The following TAAR2 variants were observed in gnomAD, a reference collection of about 807,000 sequenced individuals.
TAAR2 encodes trace amine-associated receptor 2.
A neutral mutation model predicts 25.5 loss-of-function variants in TAAR2; 30 were observed. That is an observed-to-expected ratio of 1.18 (90% confidence interval 0.88 to 1.60). The LOEUF is 1.60. Ranked by LOEUF, TAAR2 falls within the 40% of genes most tolerant of loss-of-function variation. TAAR2 has a pLI of 0.00. For missense variants in TAAR2, 481 were observed against 416.5 expected (o/e 1.15, Z -1.35); for synonymous variants, 150 against 142.4 (o/e 1.05, Z -0.38).
chr6:132,617,409 A>G lies in TAAR2; in HGVS notation c.797T>C (p.Ile266Thr). The change falls in exon 2 of 2, where the codon ATA becomes ACA. Residue 266 changes from isoleucine to threonine, a missense_variant. Coordinates refer to ENST00000367931, the MANE Select transcript of TAAR2 (RefSeq NM_001033080.1). ...ACATAATAAGAAAACTCCTATCACT[A>G]TTCCTAAAGTTTTGGCAGCTTTTTT... ...KDKKAAKTLG[I>T]VIGVFLLCWF... The G allele has an allele frequency of 6.2e-7, 1 of 1,613,780 alleles. No homozygotes were observed. The highest frequency in any genetic ancestry group is 8.5e-7 in the Non-Finnish European group (1 of 1,179,922).
At chr6:132,618,217 A>G (rs189488869) in intron 1 of TAAR2, 72 bp from the exon 2 acceptor site, 6 of 1,383,610 alleles carry the variant, frequency 4.3e-6, no homozygotes, top group Non-Finnish European at 9.7e-7. Flanking sequence ...GCTTTCATAG[A>G]AAAACTCAAG....
At chr6:132,620,280 C>T (rs955522340) in intron 1 of TAAR2, among the ~76,000 whole-genome samples, 1 of 152,146 alleles carries the variant, frequency 6.6e-6, no homozygotes, top group East Asian at 1.9e-4. Context: ...TATGATGGGA[C>T]GTATTTGAGC....
chr6:132,618,588 C>A lies in TAAR2; in HGVS notation c.61-443G>T, dbSNP rs1006595487. On this transcript the variant is annotated intron_variant, in intron 1 of 1. Transcript: ENST00000367931. The stretch of plus-strand genomic sequence containing the variant: ...CCAGGAGGTGGAGGTTGCAGTGAGC[C>A]GAGATTGTGCCACTGAACTCCAACT... 3.3e-5 allele frequency among the ~76,000 whole-genome samples: 5 copies of A among 151,676 alleles called. No individual in the cohort carries two copies. The South Asian group carries it at 1.0e-3, about 32-fold the overall frequency.
At position 132,624,258 on chromosome 6, in the gene TAAR2, C is replaced by T; in HGVS notation, c.18G>A (p.Glu6=). 6.2e-7 allele frequency: 1 copy of T among 1,613,458 alleles called. No homozygotes were observed. Among genetic ancestry groups the T allele is most frequent in the Non-Finnish European group, 8.5e-7 (1 of 1,179,662 alleles). MAVSS[E]QHELSHFKRT... is the part of the protein sequence containing the mutation. Reference sequence around the variant, plus strand: ...TTTTGAAATGTGAAAGTTCATGTTGCTCTGATGAGACAGCCATGGGAGGCA... The same window carrying T: ...TTTTGAAATGTGAAAGTTCATGTTGTTCTGATGAGACAGCCATGGGAGGCA... Residue 6 remains glutamate (E), a synonymous_variant, in exon 1 of 2, where the codon GAG becomes GAA. Coordinates refer to ENST00000367931, the MANE Select transcript of TAAR2 (RefSeq NM_001033080.1).
rs550125345 is a variant in TAAR2, at chr6:132,617,895, G to A, written c.311C>T (p.Ser104Leu). 34 of 1,613,892 alleles carry A rather than the reference G, an allele frequency of 2.1e-5. No homozygotes were observed. Among genetic ancestry groups the A allele is most frequent in the Middle Eastern group, 1.6e-4 (1 of 6,084 alleles). ...CCCAAAATACCAGCAGTTCTCCACCGATCTGATCATACTATATGGCATGAT... is the reference window on the plus strand; with the variant it reads ...CCCAAAATACCAGCAGTTCTCCACCAATCTGATCATACTATATGGCATGAT... ...FTIMPYSMIR[S>L]VENCWYFGLT... Residue 104 changes from serine to leucine, a missense_variant, in exon 2 of 2, where the codon TCG becomes TTG. Transcript: ENST00000367931.
At chr6:132,618,256 T>C (rs558601217) in intron 1 of TAAR2, 111 bp from the exon 2 acceptor site, 6 of 1,009,358 alleles carry the variant, frequency 5.9e-6, no homozygotes, top group Admixed American at 3.0e-5. Context: ...AGGAAGATAA[T>C]TTATGCTGTA....
intron 1 of TAAR2, among the ~76,000 whole-genome samples, chr6:132,619,872 C>T (rs186063042): frequency 6.6e-6 from 1 of 152,244 alleles, no homozygotes; most frequent in East Asian, 1.9e-4. Flanking sequence ...AAAGCCTGTT[C>T]TACACAGAAG....
intron 1 of TAAR2, among the ~76,000 whole-genome samples, chr6:132,621,294 C>G (rs150796600): frequency 2.0e-5 from 3 of 151,820 alleles, no homozygotes; most frequent in Non-Finnish European, 2.9e-5. Context: ...ATGTACAGAA[C>G]GTGCAGGTTT....
rs1183865553 is a variant in TAAR2 at position 132,617,483 on chromosome 6, A to G, written c.723T>C (p.His241=). Residue 241 remains histidine, a synonymous_variant, in exon 2 of 2, where the codon CAT becomes CAC. Coordinates refer to ENST00000367931, the MANE Select transcript of TAAR2 (RefSeq NM_001033080.1). ...GATTTTCTCGCAAGTTATTGATGGC[A>G]TGAGCATGTTTTCTGGATACTGCAA... ...KIFAVSRKHA[H]AINNLRENQN... 3.1e-6 allele frequency: 5 copies of G among 1,614,028 alleles called. No homozygotes were observed.
chr6:132,621,156 TA>T (rs66712280), intron 1 of TAAR2, among the ~76,000 whole-genome samples: 31,562 of 140,956 alleles, frequency 0.22, 7,233 homozygotes, highest in African/African-American at 0.59. Context: ...AAAGTAAAGC[TA>T]AAAAAAAAAA....
At chr6:132,621,374 C>T (rs111536343) in intron 1 of TAAR2, among the ~76,000 whole-genome samples, 83 of 152,068 alleles carry the variant, frequency 5.5e-4, no homozygotes, top group African/African-American at 1.8e-3. Context: ...TTTTAAGACC[C>T]GCATGCGTTA....
intron 1 of TAAR2, among the ~76,000 whole-genome samples, chr6:132,622,128 G>C (rs77274542): frequency 3.9e-5 from 6 of 151,924 alleles, no homozygotes; most frequent in Non-Finnish European, 7.4e-5. Context: ...TTACTGTTAC[G>C]TTTCTAAAAG....
intron 1 of TAAR2, among the ~76,000 whole-genome samples, chr6:132,621,902 C>A (rs1030757590): frequency 6.6e-6 from 1 of 152,102 alleles, no homozygotes; most frequent in Non-Finnish European, 1.5e-5. Flanking sequence ...TGACATAGTT[C>A]TTTCATGTGA....
In TAAR2 at chr6:132,617,318, C is replaced by T. The variant is rs1457643179; in HGVS notation, c.888G>A (p.Leu296=). The T allele has an allele frequency of 5.0e-6, 8 of 1,613,476 alleles. No individual in the cohort carries two copies. The highest frequency in any genetic ancestry group is 1.3e-5 in the African/African-American group (1 of 74,876). Residue 296 remains leucine, a synonymous_variant, in exon 2 of 2, where the codon TTG becomes TTA. Transcript: ENST00000367931. ...AGCCAAACCATGTCAAGGCATCAAA[C>T]AAAACTACAGGAGTAGAGAAGTTCA... is the stretch of plus-strand genomic sequence containing the variant. ...PFLNFSTPVV[L]FDALTWFGYF...
intron 1 of TAAR2, 48 bp downstream of exon 1, chr6:132,624,165 ATCT>A: frequency 1.3e-6 from 2 of 1,563,914 alleles, no homozygotes; most frequent in South Asian, 1.1e-5. Flanking sequence ...TTATGCCAAA[ATCT>A]TCTCAGATGC....
intron 1 of TAAR2, among the ~76,000 whole-genome samples, chr6:132,622,716 C>A (rs1350401208): frequency 2.0e-5 from 3 of 151,966 alleles, no homozygotes; most frequent in African/African-American, 4.8e-5. Context: ...CATTTCCTGA[C>A]CTCATCATTC....
rs759428495 is a variant in TAAR2 at position 132,617,570 on chromosome 6, G to C, written c.636C>G (p.Thr212=). 6.2e-7 allele frequency: 1 copy of C among 1,613,974 alleles called. No homozygotes were observed. Among genetic ancestry groups the C allele is most frequent in the East Asian group, 2.2e-5 (1 of 44,814 alleles). The change falls in exon 2 of 2, where the codon ACC becomes ACG. Residue 212 remains threonine, a synonymous_variant. Coordinates refer to ENST00000367931, the MANE Select transcript of TAAR2 (RefSeq NM_001033080.1). The part of the protein sequence containing the change: ...PVMFNKLWGT[T]LFMAGFFTPG... ...GAGTGAAGAAACCTGCCATAAACAA[G>C]GTGGTCCCCCATAGCTTGTTGAACA...
chr6:132,620,964 T>C (rs1256216751), intron 1 of TAAR2, among the ~76,000 whole-genome samples: 1 of 151,966 alleles, frequency 6.6e-6, no homozygotes, highest in Non-Finnish European at 1.5e-5. Flanking sequence ...TAGCTACTTG[T>C]CATTTCTTGT....
rs151170193 is a variant in TAAR2 at position 132,617,295 on chromosome 6, C to T, written c.911G>A (p.Gly304Asp). ...VVLFDALTWF[G>D]YFNSTCNPLI... The stretch of plus-strand genomic sequence containing the variant: ...CGGATTACATGTGGAGTTAAAATAG[C>T]CAAACCATGTCAAGGCATCAAACAA... Residue 304 changes from glycine (G) to aspartate (D), a missense_variant, in exon 2 of 2, where the codon GGC becomes GAC. Physicochemically the swap from Gly to Asp is moderately conservative, Grantham distance 94 (BLOSUM62 -1). Transcript: ENST00000367931. 4.3e-6 allele frequency: 7 copies of T among 1,613,520 alleles called. No homozygotes were observed. Among genetic ancestry groups the T allele is most frequent in the Non-Finnish European group, 5.9e-6 (7 of 1,179,904 alleles).
Sources: gnomAD v4.1 joint callset for allele counts (sites outside exome capture counted in the v4.1 genomes callset) on GRCh38, gnomAD v4.1.1 for gene constraint, MANE v1.5 for transcripts, NCBI Gene and HGNC (gene_info 2026-07-23, HGNC 2026-07-21) for gene names.